LRRC37A2: variants seen among roughly 807,000 people sequenced by gnomAD.
LRRC37A2 encodes the protein leucine-rich repeat-containing protein 37A2.
Under a neutral mutation model 68.8 loss-of-function variants are expected in LRRC37A2, and 9 were observed. That is an observed-to-expected ratio of 0.13 (90% confidence interval 0.08 to 0.23). LRRC37A2 has a LOEUF of 0.23. LRRC37A2 is among the 10% of genes least tolerant of loss of function. The pLI, the probability that LRRC37A2 is intolerant of heterozygous loss-of-function variation, is 1.00. For synonymous variants in LRRC37A2, 63 were observed against 367.6 expected, an observed-to-expected ratio of 0.17 and a Z score of 9.48; for missense variants, 168 against 950.4, an observed-to-expected ratio of 0.18 and a Z score of 10.82.
the LRRC37A2 span, among the ~76,000 whole-genome samples, chr17:46,622,374 C>T: frequency 3.5e-4 from 52 of 150,386 alleles, no homozygotes; most frequent in African/African-American, 1.2e-3. Context: ...AGGAGAATGG[C>T]GTGAACCCGG....
At chr17:46,728,907 C>T in the LRRC37A2 span, 15 of 1,607,022 alleles carry the variant, frequency 9.3e-6, no homozygotes, top group Admixed American at 1.7e-5. Flanking sequence ...AGGCTCTTCT[C>T]GTTTTACTGA....
At chr17:46,878,818 C>T in the LRRC37A2 span, among the ~76,000 whole-genome samples, 1 of 152,230 alleles carries the variant, frequency 6.6e-6, no homozygotes, top group Non-Finnish European at 1.5e-5. Flanking sequence ...GGGCAAAGGG[C>T]AGGCTCTAAG....
the LRRC37A2 span, among the ~76,000 whole-genome samples, chr17:46,988,626 G>A: frequency 6.6e-6 from 1 of 152,208 alleles, no homozygotes; most frequent in African/African-American, 2.4e-5. Flanking sequence ...GTGAACAAGT[G>A]GGCGGAGTGG....
At chr17:46,735,683 G>T in the LRRC37A2 span, among the ~76,000 whole-genome samples, 14 of 152,266 alleles carry the variant, frequency 9.2e-5, no homozygotes, top group African/African-American at 3.1e-4. Context: ...AGTGGCTCAT[G>T]CCTGTAATCC....
the LRRC37A2 span, among the ~76,000 whole-genome samples, chr17:46,501,422 G>A: frequency 2.0e-5 from 3 of 151,150 alleles, no homozygotes; most frequent in Non-Finnish European, 4.4e-5. Context: ...TGATCCACCC[G>A]CCTTCGCCTC....
the LRRC37A2 span, chr17:46,979,213 G>C: frequency 2.3e-6 from 1 of 443,424 alleles, no homozygotes; most frequent in Non-Finnish European, 3.9e-6. Context: ...GGAGGAGCGA[G>C]CAACAGGCGG....
the LRRC37A2 span, among the ~76,000 whole-genome samples, chr17:46,793,108 TAAA>T: frequency 7.8e-5 from 11 of 140,334 alleles, no homozygotes; most frequent in South Asian, 2.4e-4. Context: ...CTACTAAAAT[TAAA>T]AAAAAAAAAA....
At chr17:46,657,353 A>AC in the LRRC37A2 span, among the ~76,000 whole-genome samples, 2 of 151,944 alleles carry the variant, frequency 1.3e-5, no homozygotes, top group Non-Finnish European at 2.9e-5. Flanking sequence ...AAATAGAAAT[A>AC]TAAAAAATAT....
chr17:46,951,907 C>T, the LRRC37A2 span, among the ~76,000 whole-genome samples: 2 of 152,228 alleles, frequency 1.3e-5, no homozygotes, highest in East Asian at 1.9e-4. Flanking sequence ...CAGACATCAC[C>T]TCCCTCACAG....
At chr17:47,027,834 C>G in the LRRC37A2 span, among the ~76,000 whole-genome samples, 31 of 152,200 alleles carry the variant, frequency 2.0e-4, no homozygotes, top group African/African-American at 7.2e-4. Flanking sequence ...TGGTTCTCAG[C>G]TGGTGTGATT....
At chr17:46,520,024 TGTG>T (rs1329822599) in intron 3 of LRRC37A2, among the ~76,000 whole-genome samples, 185 bp from the exon 3 acceptor site, 1 of 85,356 alleles carries the variant, frequency 1.2e-5, no homozygotes, top group Non-Finnish European at 3.0e-5. Flanking sequence ...TGTGTGTGTT[TGTG>T]GTGGTGGTGG....
chr17:46,850,577 C>A, the LRRC37A2 span, among the ~76,000 whole-genome samples: 1 of 152,186 alleles, frequency 6.6e-6, no homozygotes, highest in Non-Finnish European at 1.5e-5. Context: ...ACATTCATTG[C>A]AAGTTATATT....
chr17:46,727,492 G>A, the LRRC37A2 span, among the ~76,000 whole-genome samples: 4 of 152,250 alleles, frequency 2.6e-5, no homozygotes, highest in East Asian at 1.9e-4. Context: ...TGGTGTAGTC[G>A]TGATTTCAAG....
At chr17:46,779,061 A>T in the LRRC37A2 span, among the ~76,000 whole-genome samples, 2 of 83,988 alleles carry the variant, frequency 2.4e-5, no homozygotes, top group East Asian at 6.7e-4. Context: ...CATCACACAC[A>T]CACACACACA....
At chr17:46,892,256 C>T in the LRRC37A2 span, among the ~76,000 whole-genome samples, 29 of 152,160 alleles carry the variant, frequency 1.9e-4, no homozygotes, top group African/African-American at 6.7e-4. Context: ...TGTCACACCC[C>T]TGCCTAAAAA....
At chr17:46,807,868 G>A in the LRRC37A2 span, among the ~76,000 whole-genome samples, 14 of 152,196 alleles carry the variant, frequency 9.2e-5, no homozygotes, top group African/African-American at 3.4e-4. Flanking sequence ...GGACATAAAG[G>A]GAAGCATGCT....
chr17:46,787,846 C>A, the LRRC37A2 span, among the ~76,000 whole-genome samples: 1 of 151,996 alleles, frequency 6.6e-6, no homozygotes, highest in African/African-American at 2.4e-5. Context: ...ATCACAGCTA[C>A]CCTGGAGGCT....
the LRRC37A2 span, among the ~76,000 whole-genome samples, chr17:46,970,862 G>A: frequency 6.1e-4 from 93 of 152,322 alleles, no homozygotes; most frequent in Admixed American, 6.5e-5. Flanking sequence ...CACGGTATAC[G>A]TTCAAAGTGG....
the LRRC37A2 span, chr17:46,833,437 G>A: frequency 1.9e-6 from 1 of 515,110 alleles, no homozygotes; most frequent in Admixed American, 2.0e-5. Context: ...AGAAGAATCA[G>A]AAGGTGAGTG....
Sources: allele counts gnomAD v4.1 joint callset (sites outside exome capture counted in the v4.1 genomes callset), GRCh38; gene constraint gnomAD v4.1.1; transcripts MANE v1.5; gene names NCBI Gene and HGNC (gene_info 2026-07-23, HGNC 2026-07-21).